Variants in ATG9B observed in about 807,000 individuals in gnomAD.
The protein encoded by ATG9B is autophagy-related protein 9B.
A neutral mutation model predicts 92.9 loss-of-function variants in ATG9B; 92 were observed. The ratio of observed to expected loss-of-function variants is 0.99; its 90% CI spans 0.84 to 1.18. The LOEUF (loss-of-function observed/expected upper bound fraction) is 1.18, where lower values mean the gene tolerates loss of function less well. Among genes scored for constraint, ATG9B ranks in the 50% most tolerant of loss-of-function variants. The probability of loss-of-function intolerance (pLI) is 0.00; values close to 1 mark genes in which losing one functional copy is unlikely to be tolerated. For missense variants in ATG9B, 1,344 were observed against 1,235.0 expected (o/e 1.09, Z -1.32); for synonymous variants, 599 against 551.4 (o/e 1.09, Z -1.21).
In ATG9B at chr7:151,018,256, C is replaced by A; in HGVS notation, c.1872+38G>T. The A allele has an allele frequency of 6.6e-7, 1 of 1,516,134 alleles. No homozygotes were observed. The highest frequency in any genetic ancestry group is 8.8e-7 in the Non-Finnish European group (1 of 1,141,250). The allele number at this position is 1,516,134 out of a possible 1,614,324, so 93.9% of individuals were successfully genotyped here. A position where few individuals can be genotyped will look rare whatever the true frequency, so the allele number is the denominator to read the frequency against. On this transcript the variant is annotated intron_variant, in intron 7 of 13. Transcript: ENST00000639579. This position sits in a 1 kb window ranked among gnomAD's most constrained non-coding sequence, Gnocchi z 4.7. ...AGACCCTCCGCGCAGACAGACCCCA[C>A]AACTTCCTCCTCAGCCCGCCGTCGC...
chr7:151,023,274 C>T (rs1298999734), intron 3 of ATG9B, 68 bp from the exon 4 acceptor site: 5 of 1,609,100 alleles, frequency 3.1e-6, no homozygotes, highest in South Asian at 1.1e-5. Context: ...GCTCCTGCCC[C>T]AGCCCCCAGA....
downstream of ATG9B, chr7:151,012,690 T>C (rs749819942): frequency 7.5e-5 from 39 of 523,264 alleles, no homozygotes; most frequent in Non-Finnish European, 1.2e-4. Flanking sequence ...AGGTGTTGAC[T>C]GGATTGAGGA....
downstream of ATG9B, chr7:151,014,196 C>G: frequency 6.3e-7 from 1 of 1,581,536 alleles, no homozygotes. Flanking sequence ...CCTTCCAGTT[C>G]CGGGAGAGCG....
chr7:151,024,160 G>A lies in ATG9B; in HGVS notation c.264C>T (p.His88=). ...GGGTGGCTGGGATAGGGAGAGCACT[G>A]TGGCAAGACTGAGAAGCCCCTGTCC... The part of the protein sequence containing the change: ...LQGTGASQSC[H]SALPIPATPP... The change falls in exon 1 of 14, where the codon CAC becomes CAT. Residue 88 remains histidine, a synonymous_variant. Transcript: ENST00000639579. The A allele has an allele frequency of 1.3e-6, 2 of 1,561,812 alleles. No homozygotes were observed. Among genetic ancestry groups the A allele is most frequent in the Non-Finnish European group, 1.7e-6 (2 of 1,152,748 alleles).
chr7:151,016,676 T>G lies in ATG9B; in HGVS notation c.2423+12A>C. 6.4e-7 allele frequency: 1 copy of G among 1,554,008 alleles called. No individual in the cohort carries two copies. Among genetic ancestry groups the G allele is most frequent in the Non-Finnish European group, 8.7e-7 (1 of 1,147,984 alleles). ...CTCCACATGCCCCTGCATCTCAGCC[T>G]CCACTCCTCACCTGGGGTCCTGGGC... is the stretch of plus-strand genomic sequence containing the variant. On this transcript the variant is annotated intron_variant, in intron 10 of 13. Transcript: ENST00000639579.
chr7:151,016,227 CTGG>C lies in ATG9B; in HGVS notation c.2526_2528del (p.His842del). 6.7e-7 allele frequency: 1 copy of C among 1,486,412 alleles called. No individual in the cohort carries two copies. Among genetic ancestry groups the C allele is most frequent in the Non-Finnish European group, 9.0e-7 (1 of 1,115,158 alleles). 92.1% of individuals were successfully genotyped at this position (1,486,412 alleles called of 1,614,324 possible). ...CCCACGGCTCCTGCTGCTGCTGCTGCTGGTGAAGCTGCATGGAAAGGAGGAGGA... is the reference window on the plus strand; with the variant it reads ...CCCACGGCTCCTGCTGCTGCTGCTGCTGAAGCTGCATGGAAAGGAGGAGGA... On this transcript the variant is annotated inframe_deletion, in exon 12 of 14. Transcript: ENST00000639579.
chr7:151,016,582 A>G (rs1020610842), intron 10 of ATG9B, 55 bp from the exon 11 acceptor site: 16 of 1,544,582 alleles, frequency 1.0e-5, no homozygotes, highest in African/African-American at 6.9e-5. Context: ...GCCACACCCC[A>G]GAGGACTCCC....
rs374334923 is a variant in ATG9B at position 151,019,008 on chromosome 7, C to A, written c.1330G>T (p.Ala444Ser). ...RWGRTVLLLAALNLALSPLVL... is the reference protein window; with the variant it reads ...RWGRTVLLLASLNLALSPLVL... ...AGCGGGCTCAGCGCCAGGTTCAGGG[C>A]GGCCAGCAGCAGCACTGTGCGCCCC... The change falls in exon 6 of 14, where the codon GCC becomes TCC. Residue 444 changes from alanine (A) to serine (S), a missense_variant. Ala to Ser is a moderately conservative substitution (Grantham distance 99, BLOSUM62 1). Coordinates refer to ENST00000639579, the MANE Select transcript of ATG9B (RefSeq NM_001317056.2). 2 of 1,561,874 alleles carry A rather than the reference C, an allele frequency of 1.3e-6. No homozygotes were observed. The highest frequency in any genetic ancestry group is 1.7e-6 in the Non-Finnish European group (2 of 1,159,172).
In ATG9B at chr7:151,017,858, G is replaced by T. The variant is rs747754961; in HGVS notation, c.2052+13C>A. 2 of 1,590,064 alleles carry T rather than the reference G, an allele frequency of 1.3e-6. No individual in the cohort carries two copies. Among genetic ancestry groups the T allele is most frequent in the Admixed American group, 3.5e-5 (2 of 57,484 alleles). Reference sequence around the variant, plus strand: ...CCCAGCCCAAACCCCCAGGGCCAGGGAACGGCTCTGACCTGAGGGTGTCCG... The same window carrying T: ...CCCAGCCCAAACCCCCAGGGCCAGGTAACGGCTCTGACCTGAGGGTGTCCG... On this transcript the variant is annotated intron_variant, in intron 8 of 13. Coordinates refer to ENST00000639579, the MANE Select transcript of ATG9B (RefSeq NM_001317056.2).
downstream of ATG9B, chr7:151,012,986 C>T: frequency 1.9e-6 from 1 of 526,220 alleles, no homozygotes; most frequent in Non-Finnish European, 3.3e-6. Flanking sequence ...TCCGAAGCCG[C>T]GCATTCTAGC....
downstream of ATG9B, chr7:151,013,498 AC>A (rs1384821926): frequency 7.7e-7 from 1 of 1,294,166 alleles, no homozygotes; most frequent in Non-Finnish European, 1.0e-6. Flanking sequence ...CCACTCAGCC[AC>A]CCCTGCACAC....
chr7:151,014,117 G>A (rs749398455), downstream of ATG9B: 29 of 1,613,318 alleles, frequency 1.8e-5, no homozygotes, highest in Non-Finnish European at 2.1e-5. Context: ...CAGTTGCGGG[G>A]CGCAGTGCCC....
Position 151,018,822 on chromosome 7 carries a change from C to G in ATG9B, c.1516G>C (p.Ala506Pro). ...AGGAAGGCGGCGGCGGGGCGGTAGG[C>G]GCGGGCCAGGCGCGCGCGCAGCTCG... is the stretch of plus-strand genomic sequence containing the variant. ...PHELRARLAR[A>P]YRPAAAFLRT... Residue 506 changes from alanine to proline, a missense_variant, in exon 6 of 14, where the codon GCC becomes CCC. Transcript: ENST00000639579. This position sits in a 1 kb window ranked among gnomAD's most constrained non-coding sequence, Gnocchi z 4.7. 1.1e-5 allele frequency: 14 copies of G among 1,290,026 alleles called. No individual in the cohort carries two copies. Among genetic ancestry groups the G allele is most frequent in the Non-Finnish European group, 1.3e-5 (13 of 1,022,272 alleles). The allele number at this position is 1,290,026 out of a possible 1,614,324, so 79.9% of individuals were successfully genotyped here.
At chr7:151,021,396 C>T (rs1584930615) in intron 4 of ATG9B, 67 bp from the exon 5 acceptor site, 5 of 1,492,648 alleles carry the variant, frequency 3.3e-6, no homozygotes, top group Admixed American at 2.4e-5. Context: ...GACCAGACTT[C>T]GGGAGTGAGG....
chr7:151,017,420 C>G, intron 8 of ATG9B, 148 bp from the exon 9 acceptor site: 2 of 790,002 alleles, frequency 2.5e-6, no homozygotes, highest in Non-Finnish European at 4.0e-6. Context: ...AGCAGCAGTG[C>G]AGAACCTGGG....
In ATG9B at chr7:151,018,107, C is replaced by T; in HGVS notation, c.1873-57G>A. 1.3e-6 allele frequency: 2 copies of T among 1,508,044 alleles called. No homozygotes were observed. The highest frequency in any genetic ancestry group is 8.9e-7 in the Non-Finnish European group (1 of 1,126,376). The allele number at this position is 1,508,044 out of a possible 1,614,324, so 93.4% of individuals were successfully genotyped here. A position where few individuals can be genotyped will look rare whatever the true frequency, so the allele number is the denominator to read the frequency against. ...TCGCTGAGGGGCCCACGCGCGTTAT[C>T]AGGACCAAGCAGTCCCCAGCGACCC... On this transcript the variant is annotated intron_variant, in intron 7 of 13. Transcript: ENST00000639579. The surrounding 1 kb of genome is among the most constrained non-coding windows in gnomAD (Gnocchi z 4.7).
chr7:151,017,066 C>T lies in ATG9B; in HGVS notation c.2259G>A (p.Pro753=), dbSNP rs541003137. Reference sequence around the variant, plus strand: ...GCGAGGTGCAGTTGCTGAGCACCCCCGGGGTGGAGGGGCCGCGAGCCGAGG... The same window carrying T: ...GCGAGGTGCAGTTGCTGAGCACCCCTGGGGTGGAGGGGCCGCGAGCCGAGG... ...GATSARGPST[P]GVLSNCTSPL... Residue 753 remains proline (P), a synonymous_variant, in exon 9 of 14, where the codon CCG becomes CCA. Coordinates refer to ENST00000639579, the MANE Select transcript of ATG9B (RefSeq NM_001317056.2). 11 of 1,602,458 alleles carry T rather than the reference C, an allele frequency of 6.9e-6. No homozygotes were observed. The highest frequency in any genetic ancestry group is 9.4e-6 in the Non-Finnish European group (11 of 1,175,420).
intron 8 of ATG9B, 111 bp from the exon 9 acceptor site, chr7:151,017,383 G>A (rs1379665107): frequency 9.2e-7 from 1 of 1,087,972 alleles, no homozygotes; most frequent in Non-Finnish European, 1.3e-6. Context: ...CCACAATGGG[G>A]ACTTGTTCAC....
At position 151,018,784 on chromosome 7, in the gene ATG9B, C is replaced by G; in HGVS notation, c.1554G>C (p.Ala518=). The G allele has an allele frequency of 7.3e-7, 1 of 1,376,034 alleles. No homozygotes were observed. The highest frequency in any genetic ancestry group is 9.4e-7 in the Non-Finnish European group (1 of 1,068,000). The allele number at this position is 1,376,034 out of a possible 1,614,324, so 85.2% of individuals were successfully genotyped here. ...GCAGCGTGCGCAGGGGCGCGGGGGG[C>G]GCAGCGGTGCGCAGGAAGGCGGCGG... The part of the protein sequence containing the change: ...RPAAAFLRTA[A]PPAPLRTLLA... Residue 518 remains alanine (A), a synonymous_variant, in exon 6 of 14, where the codon GCG becomes GCC. Coordinates refer to ENST00000639579, the MANE Select transcript of ATG9B (RefSeq NM_001317056.2). This position sits in a 1 kb window ranked among gnomAD's most constrained non-coding sequence, Gnocchi z 4.7.
Sources: allele counts gnomAD v4.1 joint callset, GRCh38; gene constraint gnomAD v4.1.1; non-coding constraint Gnocchi (gnomAD v3.1); transcripts MANE v1.5; gene names NCBI Gene and HGNC (gene_info 2026-07-23, HGNC 2026-07-21).